ZNF10: variants seen among roughly 807,000 people sequenced by gnomAD.
The protein encoded by ZNF10 is zinc finger protein 10.
Under a neutral mutation model 12.2 loss-of-function variants are expected in ZNF10, and 8 were observed. That is an observed-to-expected ratio of 0.66 (90% CI 0.39 to 1.18). The LOEUF (loss-of-function observed/expected upper bound fraction) is 1.18, where lower values mean the gene tolerates loss of function less well. Among genes scored for constraint, ZNF10 ranks in the 50% most tolerant of loss-of-function variants. The probability of loss-of-function intolerance (pLI) is 0.01; values close to 1 mark genes in which losing one functional copy is unlikely to be tolerated. For synonymous variants in ZNF10, 229 were observed against 228.2 expected (o/e 1.00, Z -0.03); for missense variants, 603 against 678.9 (o/e 0.89, Z 1.24).
chr12:133,139,532 A>T (rs1185985451), intron 1 of ZNF10, among the ~76,000 whole-genome samples: 1 of 152,180 alleles, frequency 6.6e-6, no homozygotes, highest in Non-Finnish European at 1.5e-5. Context: ...AATTTTAAAC[A>T]GGGAGTGAAA....
intron 1 of ZNF10, chr12:133,143,888 C>T (rs1955960620): frequency 6.6e-6 from 1 of 152,202 alleles, no homozygotes; most frequent in Non-Finnish European, 1.5e-5. Flanking sequence ...GCTCACTCTT[C>T]TTGGCAGAAT....
At chr12:133,135,700 C>A (rs1359957455) in intron 1 of ZNF10, among the ~76,000 whole-genome samples, 5 of 152,226 alleles carry the variant, frequency 3.3e-5, no homozygotes, top group African/African-American at 9.6e-5. Flanking sequence ...TCTGTCAGCT[C>A]CTTCCTTGAC....
Position 133,159,010 on chromosome 12 carries a change from C to T in ZNF10, c.*2042C>T, listed in dbSNP as rs1318982708. Reference sequence around the variant, plus strand: ...TTAAGGGAGTAGAATAGTCACTTAACTGGGGCTCTTAACATTGCTAATAAC... The same window carrying T: ...TTAAGGGAGTAGAATAGTCACTTAATTGGGGCTCTTAACATTGCTAATAAC... On this transcript the variant is annotated 3_prime_UTR_variant, in exon 5 of 5. Transcript: ENST00000248211. The T allele has an allele frequency of 6.6e-6, 1 of 152,216 alleles. No individual in the cohort carries two copies. Among genetic ancestry groups the T allele is most frequent in the Non-Finnish European group, 1.5e-5 (1 of 68,048 alleles). 9.4% of individuals were successfully genotyped at this position (152,216 alleles called of 1,614,324 possible).
At chr12:133,146,882 C>G (rs1296995532) in intron 2 of ZNF10, among the ~76,000 whole-genome samples, 2 of 151,984 alleles carry the variant, frequency 1.3e-5, no homozygotes, top group African/African-American at 4.8e-5. Context: ...AGGGCAAACC[C>G]ATGATCCTAG....
At chr12:133,139,195 T>G (rs1259521030) in intron 1 of ZNF10, 3 of 152,236 alleles carry the variant, frequency 2.0e-5, no homozygotes, top group African/African-American at 7.2e-5. Flanking sequence ...GCTTCTTCTT[T>G]CAGTGGCTGT....
intron 4 of ZNF10, among the ~76,000 whole-genome samples, chr12:133,153,116 C>T (rs576626254): frequency 2.0e-5 from 3 of 151,686 alleles, no homozygotes; most frequent in South Asian, 2.1e-4. Flanking sequence ...TGTCTGTTGA[C>T]AAGTATCCAA....
chr12:133,132,759 T>C (rs1009922798), intron 1 of ZNF10, among the ~76,000 whole-genome samples: 4 of 152,210 alleles, frequency 2.6e-5, no homozygotes, highest in Admixed American at 6.5e-5. Context: ...TTTTCCTCTT[T>C]CCACACAATA....
intron 1 of ZNF10, among the ~76,000 whole-genome samples, chr12:133,136,582 T>G (rs905125869): frequency 4.6e-5 from 7 of 152,158 alleles, no homozygotes; most frequent in African/African-American, 1.7e-4. Context: ...ATTTTACTCT[T>G]CAAGTTCTCT....
At chr12:133,134,962 G>C (rs996275777) in intron 1 of ZNF10, among the ~76,000 whole-genome samples, 50 of 152,210 alleles carry the variant, frequency 3.3e-4, no homozygotes, top group African/African-American at 9.9e-4. Flanking sequence ...CCTTCCCCAG[G>C]AAGTTTTGCA....
rs1336039177 is a variant in ZNF10 at position 133,138,787 on chromosome 12, A to G, written c.-59-5647A>G. On this transcript the variant is annotated intron_variant, in intron 1 of 4. Coordinates refer to ENST00000248211, the MANE Select transcript of ZNF10 (RefSeq NM_015394.5). ...TCTGAATGGCTACTACTCTGTTCTT[A>G]GCCCCTAGGATAGTACTTGGCATAT... 3.3e-5 allele frequency among the ~76,000 whole-genome samples: 5 copies of G among 152,188 alleles called. No individual in the cohort carries two copies. The East Asian group carries it at 9.6e-4, about 29-fold the overall frequency.
At chr12:133,131,295 A>G (rs981040431) in intron 1 of ZNF10, among the ~76,000 whole-genome samples, 1 of 152,068 alleles carries the variant, frequency 6.6e-6, no homozygotes, top group Non-Finnish European at 1.5e-5. Context: ...GACAGATCAT[A>G]AGTTTAATTA....
rs138509385 is a variant in ZNF10 at position 133,156,905 on chromosome 12, G to A, written c.1659G>A (p.Ala553=). Residue 553 remains alanine, a synonymous_variant, in exon 5 of 5, where the codon GCG becomes GCA. Transcript: ENST00000248211. ...QFLTCNQCGT[A]LVNTSNLIGY... is the part of the protein sequence containing the mutation. Reference sequence around the variant, plus strand: ...TAACATGCAATCAATGTGGGACAGCGCTTGTTAATACCTCTAACCTTATTG... The same window carrying A: ...TAACATGCAATCAATGTGGGACAGCACTTGTTAATACCTCTAACCTTATTG... 3.6e-5 allele frequency: 55 copies of A among 1,509,262 alleles called. No individual in the cohort carries two copies. Among genetic ancestry groups the A allele is most frequent in the African/African-American group, 2.8e-4 (20 of 71,600 alleles). 93.5% of individuals were successfully genotyped at this position (1,509,262 alleles called of 1,614,324 possible).
chr12:133,144,544 C>G lies in ZNF10; in HGVS notation c.33+19C>G, dbSNP rs763985950. On this transcript the variant is annotated intron_variant, in intron 2 of 4. Transcript: ENST00000248211. Reference sequence around the variant, plus strand: ...GTCCCGGGTAAGCTGGGCTTTCTTCCCAGTTTCCAACTGGGAATTCCTTTT... The same window carrying G: ...GTCCCGGGTAAGCTGGGCTTTCTTCGCAGTTTCCAACTGGGAATTCCTTTT... 9 of 1,612,728 alleles carry G rather than the reference C, an allele frequency of 5.6e-6. No homozygotes were observed. The East Asian group carries it at 1.3e-4, about 24-fold the overall frequency.
At chr12:133,136,054 C>T (rs1955909461) in intron 1 of ZNF10, among the ~76,000 whole-genome samples, 1 of 152,156 alleles carries the variant, frequency 6.6e-6, no homozygotes. Context: ...TCTTTTTTGA[C>T]TCACATTTCT....
Position 133,155,799 on chromosome 12 carries a change from T to C in ZNF10, c.553T>C (p.Phe185Leu). 6.2e-7 allele frequency: 1 copy of C among 1,613,844 alleles called. No individual in the cohort carries two copies. The highest frequency in any genetic ancestry group is 8.5e-7 in the Non-Finnish European group (1 of 1,179,932). The change falls in exon 5 of 5, where the codon TTC becomes CTC. Residue 185 changes from phenylalanine (F) to leucine (L), a missense_variant. Phe to Leu is a conservative substitution (Grantham distance 22, BLOSUM62 0). Transcript: ENST00000248211. ...TGCTCAGCTAGTACTGAGAGAGTATTTCCATAAACGTGACTCACATACTAA... is the reference window on the plus strand; with the variant it reads ...TGCTCAGCTAGTACTGAGAGAGTATCTCCATAAACGTGACTCACATACTAA... ...LPAQLVLREYFHKRDSHTKSL... is the reference protein window; with the variant it reads ...LPAQLVLREYLHKRDSHTKSL...
At chr12:133,134,480 T>C (rs1955899870) in intron 1 of ZNF10, among the ~76,000 whole-genome samples, 2 of 152,126 alleles carry the variant, frequency 1.3e-5, no homozygotes, top group Non-Finnish European at 2.9e-5. Flanking sequence ...GGAAATAGAT[T>C]CTTCTCTAGA....
Position 133,157,129 on chromosome 12 carries a change from AT to A in ZNF10, c.*165del. The A allele has an allele frequency of 1.7e-6, 1 of 580,306 alleles. No individual in the cohort carries two copies. Among genetic ancestry groups the A allele is most frequent in the Non-Finnish European group, 2.6e-6 (1 of 392,004 alleles). The allele number at this position is 580,306 out of a possible 1,614,324, so 35.9% of individuals were successfully genotyped here. On this transcript the variant is annotated 3_prime_UTR_variant, in exon 5 of 5. Transcript: ENST00000248211. ...GTCCTGGAAGGGAAAGAAACCACAG[AT>A]TTTATTTCAGTACACAAATCCATCA...
At chr12:133,131,380 T>G (rs1236448406) in intron 1 of ZNF10, among the ~76,000 whole-genome samples, 5 of 151,906 alleles carry the variant, frequency 3.3e-5, no homozygotes, top group Non-Finnish European at 7.4e-5. Context: ...AAAGATAAGG[T>G]TAACATCAAG....
intron 2 of ZNF10, among the ~76,000 whole-genome samples, chr12:133,149,166 A>G (rs1458786186): frequency 6.6e-6 from 1 of 151,812 alleles, no homozygotes; most frequent in African/African-American, 2.4e-5. Context: ...ATCACAGCTC[A>G]CTGCAGTCTG....
Sources: gnomAD v4.1 joint callset for allele counts (sites outside exome capture counted in the v4.1 genomes callset) on GRCh38, gnomAD v4.1.1 for gene constraint, MANE v1.5 for transcripts, NCBI Gene and HGNC (gene_info 2026-07-23, HGNC 2026-07-21) for gene names.